Variants in KCNQ5 observed in about 807,000 individuals in gnomAD.
KCNQ5 encodes the protein potassium voltage-gated channel subfamily KQT member 5.
A neutral mutation model predicts 98.2 loss-of-function variants in KCNQ5; 30 were observed. The ratio of observed to expected loss-of-function variants is 0.31; its 90% CI spans 0.23 to 0.41. KCNQ5 has a LOEUF of 0.41. Among genes scored for constraint, KCNQ5 ranks in the 10% least tolerant of loss-of-function variants. The pLI is 1.00. For synonymous variants in KCNQ5, 458 were observed against 449.4 expected (o/e 1.02, Z -0.24); for missense variants, 835 against 1,182.5 (o/e 0.71, Z 4.31).
At chr6:72,994,175 TGGTGGGCTCCACCC>T (rs1408331333) in intron 1 of KCNQ5, among the ~76,000 whole-genome samples, 14 of 77,078 alleles carry the variant, frequency 1.8e-4, no homozygotes, top group African/African-American at 8.5e-4. Context: ...CCTTGAGCTG[TGGTGGGCTCCACCC>T]AGTTCGAGCT....
rs531661343 is a variant in KCNQ5 at position 72,715,356 on chromosome 6, G to A, written c.398+92769G>A. Among the ~76,000 whole-genome samples the A allele has an allele frequency of 2.4e-4, 36 of 152,182 alleles. No homozygotes were observed. In the South Asian group the frequency reaches 6.6e-3, roughly 28 times the overall value. Reference sequence around the variant, plus strand: ...ACAGTATAACCAAGCCCAAATCCTCGGCCAAATCCCTAAGGGAATCTGGGT... The same window carrying A: ...ACAGTATAACCAAGCCCAAATCCTCAGCCAAATCCCTAAGGGAATCTGGGT... On this transcript the variant is annotated intron_variant, in intron 1 of 13. Coordinates refer to ENST00000370398, the MANE Select transcript of KCNQ5 (RefSeq NM_019842.4).
intron 1 of KCNQ5, among the ~76,000 whole-genome samples, chr6:72,979,794 T>C (rs1290169589): frequency 6.6e-6 from 1 of 152,204 alleles, no homozygotes; most frequent in Non-Finnish European, 1.5e-5. Flanking sequence ...TCTTCTAGGG[T>C]TTTTATGGTT....
intron 1 of KCNQ5, among the ~76,000 whole-genome samples, chr6:72,938,091 A>G (rs1452832723): frequency 6.6e-6 from 1 of 152,258 alleles, no homozygotes; most frequent in Non-Finnish European, 1.5e-5. Flanking sequence ...CTTGGCATAC[A>G]AATGAAAAGT....
At chr6:73,135,060 T>G (rs566888344) in intron 10 of KCNQ5, 4 of 152,306 alleles carry the variant, frequency 2.6e-5, no homozygotes, top group Non-Finnish European at 5.9e-5. Flanking sequence ...ATATTAAAAG[T>G]CTTTACATAT....
chr6:72,933,008 C>T (rs2150231083), intron 1 of KCNQ5, among the ~76,000 whole-genome samples: 1 of 152,240 alleles, frequency 6.6e-6, no homozygotes, highest in Non-Finnish European at 1.5e-5. Flanking sequence ...TTTTATAAAA[C>T]ATTAATTATG....
At chr6:72,679,377 G>A (rs1767579004) in intron 1 of KCNQ5, among the ~76,000 whole-genome samples, 1 of 152,002 alleles carries the variant, frequency 6.6e-6, no homozygotes. Flanking sequence ...TATACACCAT[G>A]GAATACTATA....
At chr6:72,646,170 C>G (rs1052671416) in intron 1 of KCNQ5, among the ~76,000 whole-genome samples, 5 of 152,094 alleles carry the variant, frequency 3.3e-5, no homozygotes, top group African/African-American at 1.2e-4. Context: ...GGGTTTCTGA[C>G]AGCAGGATCC....
At chr6:72,910,111 A>G (rs1213557421) in intron 1 of KCNQ5, among the ~76,000 whole-genome samples, 2 of 152,220 alleles carry the variant, frequency 1.3e-5, no homozygotes, top group African/African-American at 2.4e-5. Flanking sequence ...GGTTACAAAC[A>G]CATTACTACC....
intron 1 of KCNQ5, among the ~76,000 whole-genome samples, chr6:72,653,802 G>T (rs1471712359): frequency 6.6e-6 from 1 of 151,752 alleles, no homozygotes; most frequent in East Asian, 1.9e-4. Flanking sequence ...TTAAGATAAG[G>T]TATTATGTAT....
chr6:73,079,163 G>A (rs1191864067), intron 5 of KCNQ5, among the ~76,000 whole-genome samples: 3 of 152,078 alleles, frequency 2.0e-5, no homozygotes, highest in Non-Finnish European at 2.9e-5. Flanking sequence ...TTAGCCAGGT[G>A]TGGTGGCACA....
At chr6:72,860,970 A>G (rs1777741743) in intron 1 of KCNQ5, among the ~76,000 whole-genome samples, 2 of 152,138 alleles carry the variant, frequency 1.3e-5, no homozygotes. Context: ...CATTTCATAG[A>G]CATTAGTAAT....
chr6:72,659,269 C>T (rs984972144), intron 1 of KCNQ5, among the ~76,000 whole-genome samples: 2 of 152,216 alleles, frequency 1.3e-5, no homozygotes, highest in African/African-American at 4.8e-5. Flanking sequence ...TGCACAAAGC[C>T]AACTTCCTGT....
intron 3 of KCNQ5, among the ~76,000 whole-genome samples, chr6:73,058,230 G>T (rs2150372693): frequency 6.6e-6 from 1 of 152,290 alleles, no homozygotes; most frequent in African/African-American, 2.4e-5. Context: ...GGCTAACACG[G>T]TGAAACGCCA....
At chr6:72,894,288 C>A (rs757461073) in intron 1 of KCNQ5, among the ~76,000 whole-genome samples, 1 of 152,164 alleles carries the variant, frequency 6.6e-6, no homozygotes, top group Non-Finnish European at 1.5e-5. Context: ...AGGAAGTAAT[C>A]TGGAAAAGAG....
At position 73,105,383 on chromosome 6, in the gene KCNQ5, C is replaced by A. The variant is rs1207317124; in HGVS notation, c.1029+16C>A. ...ACTTCCTGCCGTGAGTATCTTTGCACCAATAAAGCAGTTTAAATTAGATCT... is the reference window on the plus strand; with the variant it reads ...ACTTCCTGCCGTGAGTATCTTTGCAACAATAAAGCAGTTTAAATTAGATCT... On this transcript the variant is annotated intron_variant, in intron 6 of 13. Transcript: ENST00000370398. The A allele has an allele frequency of 6.6e-7, 1 of 1,515,182 alleles. No homozygotes were observed. The highest frequency in any genetic ancestry group is 9.1e-7 in the Non-Finnish European group (1 of 1,099,174). The allele number at this position is 1,515,182 out of a possible 1,614,324, so 93.9% of individuals were successfully genotyped here.
intron 1 of KCNQ5, among the ~76,000 whole-genome samples, chr6:72,870,674 C>T (rs1192043470): frequency 6.6e-6 from 1 of 152,060 alleles, no homozygotes; most frequent in Non-Finnish European, 1.5e-5. Context: ...ATTTTTTAAA[C>T]TGTTTTATTA....
chr6:72,636,195 G>T (rs182018491), intron 1 of KCNQ5, among the ~76,000 whole-genome samples: 41 of 152,186 alleles, frequency 2.7e-4, no homozygotes, highest in African/African-American at 8.4e-4. Flanking sequence ...ATATAAAAAT[G>T]CACAATAAAG....
intron 1 of KCNQ5, among the ~76,000 whole-genome samples, chr6:72,845,499 A>C (rs763120775): frequency 3.9e-5 from 6 of 152,234 alleles, no homozygotes; most frequent in Non-Finnish European, 5.9e-5. Flanking sequence ...CTCAGATATC[A>C]GATATTGTTA....
rs2098920783 is a variant in KCNQ5, at chr6:72,631,510, A to G, written c.398+8923A>G. Among the ~76,000 whole-genome samples the G allele has an allele frequency of 2.0e-5, 3 of 152,240 alleles. No individual in the cohort carries two copies. The South Asian group carries it at 6.2e-4, about 32-fold the overall frequency. On this transcript the variant is annotated intron_variant, in intron 1 of 13. Coordinates refer to ENST00000370398, the MANE Select transcript of KCNQ5 (RefSeq NM_019842.4). ...TATTGAGAGAGTTTCAAAAAAAAAT[A>G]AAAGTAACCAATTCTGAAATGTAGA... is the stretch of plus-strand genomic sequence containing the variant.
Sources: gnomAD v4.1 joint callset for allele counts (sites outside exome capture counted in the v4.1 genomes callset) on GRCh38, gnomAD v4.1.1 for gene constraint, MANE v1.5 for transcripts, NCBI Gene and HGNC (gene_info 2026-07-23, HGNC 2026-07-21) for gene names.